PTPA: variants seen among roughly 807,000 people sequenced by gnomAD.
The protein encoded by PTPA is protein phosphatase 2 phosphatase activator, also known as serine/threonine-protein phosphatase 2A activator.
In PTPA, 13 loss-of-function variants were observed where a neutral mutation model predicts 43.6. The observed-to-expected ratio is 0.30, with a 90% CI of 0.19 to 0.47. The LOEUF is 0.47. Among genes scored for constraint, PTPA ranks in the 20% least tolerant of loss-of-function variants. PTPA has a pLI of 0.99. For synonymous variants in PTPA, 172 were observed against 158.2 expected (o/e 1.09, Z -0.66); for missense variants, 329 against 411.9 (o/e 0.80, Z 1.74).
chr9:129,125,513 G>C (rs952499086), intron 3 of PTPA, among the ~76,000 whole-genome samples: 1 of 152,308 alleles, frequency 6.6e-6, no homozygotes, highest in South Asian at 2.1e-4. Context: ...AAAGTGCTGG[G>C]ATTGCAGGCG....
chr9:129,131,731 G>C, intron 5 of PTPA, 92 bp downstream of exon 5: 1 of 1,258,408 alleles, frequency 7.9e-7, no homozygotes, highest in African/African-American at 1.5e-5. Flanking sequence ...GAGCAAGTGA[G>C]AGCAATCAAG....
chr9:129,133,330 T>A (rs1004849781), intron 5 of PTPA, among the ~76,000 whole-genome samples: 7 of 152,100 alleles, frequency 4.6e-5, no homozygotes, highest in African/African-American at 1.7e-4. Context: ...CAGGAAAAGA[T>A]CAAAGAGGGA....
chr9:129,115,770 G>A (rs1382240920), intron 1 of PTPA, among the ~76,000 whole-genome samples: 1 of 151,624 alleles, frequency 6.6e-6, no homozygotes, highest in Admixed American at 6.6e-5. Flanking sequence ...CTCCCGAGTA[G>A]CTGGGATTAC....
chr9:129,111,258 G>C (rs1451515336), upstream of PTPA: 1 of 1,173,220 alleles, frequency 8.5e-7, no homozygotes, highest in Non-Finnish European at 1.1e-6. Context: ...CGTGGCAGTC[G>C]CGGCGCCCGA....
Position 129,146,894 on chromosome 9 carries a change from T to C in PTPA, c.895-493T>C, listed in dbSNP as rs537702471. ...TTGCCCAGGGGTGGGGGGAACTCAG[T>C]GTCAGCTGGTTCTTATTGTCTCGCT... is the stretch of plus-strand genomic sequence containing the variant. On this transcript the variant is annotated intron_variant, in intron 9 of 9. Transcript: ENST00000393370. 4.6e-5 allele frequency among the ~76,000 whole-genome samples: 7 copies of C among 152,328 alleles called. No homozygotes were observed. The South Asian group carries it at 1.2e-3, about 27-fold the overall frequency.
intron 8 of PTPA, chr9:129,139,378 A>T (rs1054341934): frequency 6.6e-6 from 1 of 152,300 alleles, no homozygotes; most frequent in Admixed American, 6.5e-5. Flanking sequence ...TATTTGAGGC[A>T]GCAGAAGGAA....
chr9:129,113,943 C>G (rs565171238), intron 1 of PTPA, among the ~76,000 whole-genome samples: 2 of 152,068 alleles, frequency 1.3e-5, no homozygotes, highest in African/African-American at 4.8e-5. Context: ...GGAGGTTATC[C>G]GTGGCTGGAA....
intron 5 of PTPA, among the ~76,000 whole-genome samples, chr9:129,132,053 C>G (rs1850012017): frequency 6.6e-6 from 1 of 152,180 alleles, no homozygotes; most frequent in Non-Finnish European, 1.5e-5. Context: ...GGCACACCCT[C>G]TCCCTTGAAC....
intron 3 of PTPA, among the ~76,000 whole-genome samples, chr9:129,126,076 G>T (rs1849558027): frequency 6.6e-6 from 1 of 152,064 alleles, no homozygotes; most frequent in South Asian, 2.1e-4. Context: ...TGAAACCCGG[G>T]AGGCGGAGGT....
intron 8 of PTPA, among the ~76,000 whole-genome samples, chr9:129,140,828 G>A (rs1316425019): frequency 1.3e-5 from 2 of 152,016 alleles, no homozygotes; most frequent in Non-Finnish European, 2.9e-5. Context: ...GGCTGGGGGT[G>A]GAGTGTGGTT....
intron 7 of PTPA, 67 bp from the exon 8 acceptor site, chr9:129,137,525 C>A: frequency 7.5e-7 from 1 of 1,339,280 alleles, no homozygotes; most frequent in Non-Finnish European, 1.0e-6. Context: ...GGTGTGACTG[C>A]TGGGCCGGGT....
Position 129,147,501 on chromosome 9 carries a change from C to A in PTPA, c.*37C>A, listed in dbSNP as rs368325606. The A allele has an allele frequency of 8.8e-6, 14 of 1,591,038 alleles. No individual in the cohort carries two copies. Among genetic ancestry groups the A allele is most frequent in the African/African-American group, 4.0e-5 (3 of 74,420 alleles). ...CCGAAGAGCCACCCAGGCCACAGTT[C>A]CTGTGCCTGCCTTCCCCACCCCAGC... On this transcript the variant is annotated 3_prime_UTR_variant, in exon 10 of 10. Coordinates refer to ENST00000393370, the MANE Select transcript of PTPA (RefSeq NM_178000.3).
At chr9:129,137,253 C>T (rs1353329946) in intron 7 of PTPA, among the ~76,000 whole-genome samples, 3 of 152,168 alleles carry the variant, frequency 2.0e-5, no homozygotes, top group Admixed American at 6.5e-5. Context: ...AGCATGAAGC[C>T]GGCTCTGCTG....
chr9:129,129,440 C>CTA (rs1327715114), intron 4 of PTPA, among the ~76,000 whole-genome samples: 1 of 151,682 alleles, frequency 6.6e-6, no homozygotes, highest in African/African-American at 2.4e-5. Flanking sequence ...TACTGTGCAG[C>CTA]TATAAAAAGG....
chr9:129,147,264 A>C (rs1340104733), intron 9 of PTPA, 123 bp from the exon 10 acceptor site: 4 of 869,272 alleles, frequency 4.6e-6, no homozygotes, highest in Admixed American at 4.0e-5. Context: ...GGCCTGGGGG[A>C]TCCCCTGGCG....
intron 9 of PTPA, chr9:129,143,041 C>A: frequency 1.2e-6 from 1 of 850,130 alleles, no homozygotes; most frequent in Non-Finnish European, 1.8e-6. Flanking sequence ...TTTTTATGGA[C>A]CGCTTCAGGG....
intron 8 of PTPA, chr9:129,139,655 T>C (rs1338340832): frequency 1.3e-5 from 2 of 152,128 alleles, no homozygotes; most frequent in African/African-American, 4.8e-5. Context: ...AGTTGGTGAG[T>C]GGCCTGGCCT....
At chr9:129,142,268 T>G in intron 8 of PTPA, 177 bp from the exon 9 acceptor site, 1 of 514,880 alleles carries the variant, frequency 1.9e-6, no homozygotes, top group Non-Finnish European at 3.3e-6. Context: ...CCTGTTTGTA[T>G]GTTTGCCCCT....
In PTPA at chr9:129,147,541, A is replaced by C. The variant is rs928624009; in HGVS notation, c.*77A>C. The C allele has an allele frequency of 7.7e-6, 11 of 1,423,542 alleles. No individual in the cohort carries two copies. Among genetic ancestry groups the C allele is most frequent in the African/African-American group, 4.2e-5 (3 of 70,866 alleles). 88.2% of individuals were successfully genotyped at this position (1,423,542 alleles called of 1,614,324 possible). A position where few individuals can be genotyped will look rare whatever the true frequency, so the allele number is the denominator to read the frequency against. On this transcript the variant is annotated 3_prime_UTR_variant, in exon 10 of 10. Transcript: ENST00000393370. ...CCCACCCCAGCAGTGGCCCCTCCCCATCCCCTCCCTCTGTTCGTCCCGTTT... is the reference window on the plus strand; with the variant it reads ...CCCACCCCAGCAGTGGCCCCTCCCCCTCCCCTCCCTCTGTTCGTCCCGTTT...
Sources: allele counts gnomAD v4.1 joint callset (sites outside exome capture counted in the v4.1 genomes callset), GRCh38; gene constraint gnomAD v4.1.1; transcripts MANE v1.5; gene names NCBI Gene and HGNC (gene_info 2026-07-23, HGNC 2026-07-21).